UCHL3: variants seen among roughly 807,000 people sequenced by gnomAD.
The protein encoded by UCHL3 is ubiquitin C-terminal hydrolase L3, also known as ubiquitin carboxyl-terminal hydrolase isozyme L3.
UCHL3 carries 22 observed loss-of-function variants against 35.8 expected under a neutral mutation model. That is an observed-to-expected ratio of 0.61 (90% CI 0.44 to 0.88). The LOEUF is 0.88. Among genes scored for constraint, UCHL3 ranks in the 40% least tolerant of loss-of-function variants. The pLI is 0.00. For synonymous variants in UCHL3, 90 were observed against 92.8 expected, an observed-to-expected ratio of 0.97 and a Z score of 0.17; for missense variants, 229 against 276.9, an observed-to-expected ratio of 0.83 and a Z score of 1.23.
intron 5 of UCHL3, 161 bp from the exon 6 acceptor site, chr13:75,569,299 A>G: frequency 2.0e-6 from 1 of 502,418 alleles, no homozygotes; most frequent in Non-Finnish European, 3.5e-6. Context: ...TTGATTACCC[A>G]GATATCATTC....
intron 2 of UCHL3, among the ~76,000 whole-genome samples, chr13:75,556,005 T>C (rs1338842344): frequency 2.0e-5 from 3 of 152,222 alleles, no homozygotes; most frequent in African/African-American, 7.2e-5. Context: ...TCCAGAACCT[T>C]ATCATACTGG....
intron 7 of UCHL3, among the ~76,000 whole-genome samples, chr13:75,595,808 C>A (rs1555277182): frequency 6.7e-6 from 1 of 149,736 alleles, no homozygotes; most frequent in Non-Finnish European, 1.5e-5. Context: ...TTTAAGTTTA[C>A]CTTTCAGTGG....
At chr13:75,567,195 C>G in intron 4 of UCHL3, 32 bp from the exon 5 acceptor site, 1 of 1,596,588 alleles carries the variant, frequency 6.3e-7, no homozygotes, top group Non-Finnish European at 8.6e-7. Context: ...TGTATCAAGC[C>G]TTTTTAATTT....
intron 6 of UCHL3, among the ~76,000 whole-genome samples, chr13:75,592,270 T>C (rs1358260399): frequency 6.6e-6 from 1 of 150,556 alleles, no homozygotes; most frequent in African/African-American, 2.4e-5. Context: ...TCAATGGTAC[T>C]ATTTATACTA....
intron 2 of UCHL3, among the ~76,000 whole-genome samples, chr13:75,552,864 C>T (rs551385372): frequency 2.0e-5 from 3 of 152,226 alleles, no homozygotes; most frequent in East Asian, 3.9e-4. Flanking sequence ...GATTTGAGTA[C>T]AGTACAACCA....
Position 75,605,829 on chromosome 13 carries a change from A to G in UCHL3, c.*17A>G, listed in dbSNP as rs2032930805. On this transcript the variant is annotated 3_prime_UTR_variant, in exon 9 of 9. Transcript: ENST00000377595. ...GCAGCATAGCTTGTCAATAATGGAA[A>G]CACCAAAAACTGTATTATTTGCAAC... 3.1e-6 allele frequency: 5 copies of G among 1,610,476 alleles called. No individual in the cohort carries two copies. Among genetic ancestry groups the G allele is most frequent in the Non-Finnish European group, 3.4e-6 (4 of 1,178,446 alleles).
intron 8 of UCHL3, among the ~76,000 whole-genome samples, chr13:75,605,397 A>G (rs926818560): frequency 7.2e-5 from 11 of 152,148 alleles, no homozygotes; most frequent in African/African-American, 2.7e-4. Context: ...AGTCCCAGCT[A>G]CTAGGGAGGC....
At chr13:75,563,920 C>CTCTGTG (rs148195198) in intron 3 of UCHL3, among the ~76,000 whole-genome samples, 18 of 149,476 alleles carry the variant, frequency 1.2e-4, no homozygotes, top group South Asian at 4.2e-4. Context: ...AATAATATTT[C>CTCTGTG]TGTGTGTGTG....
intron 3 of UCHL3, among the ~76,000 whole-genome samples, chr13:75,563,020 T>C (rs1321501180): frequency 1.3e-5 from 2 of 152,184 alleles, no homozygotes; most frequent in Non-Finnish European, 2.9e-5. Flanking sequence ...CTTTAGGAGC[T>C]GCAAAGTGTT....
chr13:75,573,554 A>T (rs2031928742), intron 6 of UCHL3, among the ~76,000 whole-genome samples: 1 of 152,152 alleles, frequency 6.6e-6, no homozygotes. Flanking sequence ...CCTGGCTTGT[A>T]GACTACCACC....
intron 6 of UCHL3, among the ~76,000 whole-genome samples, chr13:75,572,246 C>T (rs1366864746): frequency 6.6e-6 from 1 of 152,150 alleles, no homozygotes; most frequent in Non-Finnish European, 1.5e-5. Flanking sequence ...CAGAATGAAG[C>T]AGTTCCTGAT....
At chr13:75,597,311 A>G (rs781153520) in intron 7 of UCHL3, among the ~76,000 whole-genome samples, 4 of 152,070 alleles carry the variant, frequency 2.6e-5, no homozygotes, top group Non-Finnish European at 5.9e-5. Flanking sequence ...GTGTGCTATG[A>G]TTGCACCTGT....
intron 3 of UCHL3, among the ~76,000 whole-genome samples, chr13:75,565,526 C>T (rs1185365255): frequency 6.6e-6 from 1 of 152,086 alleles, no homozygotes; most frequent in Non-Finnish European, 1.5e-5. Flanking sequence ...TCTTTTATTG[C>T]AGGGGATCAG....
intron 6 of UCHL3, among the ~76,000 whole-genome samples, chr13:75,594,491 A>G (rs2032591065): frequency 6.6e-6 from 1 of 152,214 alleles, no homozygotes; most frequent in Admixed American, 6.5e-5. Context: ...TTTAACTCGA[A>G]AAGAGTTTCT....
chr13:75,603,429 A>T (rs2032836142), intron 7 of UCHL3, among the ~76,000 whole-genome samples: 1 of 152,214 alleles, frequency 6.6e-6, no homozygotes, highest in East Asian at 1.9e-4. Context: ...CAGGAGGTTA[A>T]GTTCAGCCTG....
chr13:75,582,356 T>C lies in UCHL3; in HGVS notation c.475-12559T>C, dbSNP rs184797987. On this transcript the variant is annotated intron_variant, in intron 6 of 8. Transcript: ENST00000377595. ...TTTCTGAAAAGCCTAGTCTAGGTTTTTTTGAACTATAATGAAGAGATGAGT... is the reference window on the plus strand; with the variant it reads ...TTTCTGAAAAGCCTAGTCTAGGTTTCTTTGAACTATAATGAAGAGATGAGT... 3.2e-4 allele frequency among the ~76,000 whole-genome samples: 48 copies of C among 152,344 alleles called. 2 individuals carry two copies. The East Asian group carries it at 9.2e-3, about 29-fold the overall frequency.
At chr13:75,583,772 A>G (rs1024171169) in intron 6 of UCHL3, among the ~76,000 whole-genome samples, 1 of 152,230 alleles carries the variant, frequency 6.6e-6, no homozygotes, top group Non-Finnish European at 1.5e-5. Context: ...ATGTAGAGAT[A>G]TACTTACTGA....
intron 3 of UCHL3, 121 bp downstream of exon 3, chr13:75,561,002 C>G (rs1344294561): frequency 1.1e-6 from 1 of 896,808 alleles, no homozygotes; most frequent in Non-Finnish European, 1.6e-6. Context: ...GTAATCATGG[C>G]TTACTGCAGT....
At chr13:75,605,541 TA>T (rs2032916752) in intron 8 of UCHL3, among the ~76,000 whole-genome samples, 187 bp from the exon 9 acceptor site, 1 of 152,086 alleles carries the variant, frequency 6.6e-6, no homozygotes, top group Admixed American at 6.6e-5. Context: ...AAACTTACTG[TA>T]TCTTATACTT....
Sources: allele counts gnomAD v4.1 joint callset (sites outside exome capture counted in the v4.1 genomes callset), GRCh38; gene constraint gnomAD v4.1.1; transcripts MANE v1.5; gene names NCBI Gene and HGNC (gene_info 2026-07-23, HGNC 2026-07-21).